SDCCAG8: variants seen among roughly 807,000 people sequenced by gnomAD.
SDCCAG8 encodes the protein SHH signaling and ciliogenesis regulator SDCCAG8.
A neutral mutation model predicts 101.8 loss-of-function variants in SDCCAG8; 74 were observed. The ratio of observed to expected loss-of-function variants is 0.73; its 90% CI spans 0.60 to 0.88. The LOEUF (loss-of-function observed/expected upper bound fraction) is 0.88, where lower values mean the gene tolerates loss of function less well. Ranked by LOEUF, SDCCAG8 falls within the 40% of genes least tolerant of loss-of-function variation. The pLI, the probability that SDCCAG8 is intolerant of heterozygous loss-of-function variation, is 0.00. For missense variants in SDCCAG8, 787 were observed against 822.6 expected, an observed-to-expected ratio of 0.96 and a Z score of 0.53; for synonymous variants, 281 against 292.9, an observed-to-expected ratio of 0.96 and a Z score of 0.41.
At chr1:243,271,342 TATATA>T (rs1248796715) in intron 3 of SDCCAG8, among the ~76,000 whole-genome samples, 2 of 148,488 alleles carry the variant, frequency 1.3e-5, no homozygotes, top group East Asian at 1.9e-4. Context: ...GTAATATAAA[TATATA>T]ATATATAATA....
At chr1:243,432,046 C>T (rs1477845827) in intron 16 of SDCCAG8, among the ~76,000 whole-genome samples, 1 of 152,060 alleles carries the variant, frequency 6.6e-6, no homozygotes, top group Non-Finnish European at 1.5e-5. Context: ...CTATGTTTGT[C>T]ATAGAAATTT....
At chr1:243,396,580 ATATT>A (rs1187007794) in intron 13 of SDCCAG8, among the ~76,000 whole-genome samples, 1 of 152,186 alleles carries the variant, frequency 6.6e-6, no homozygotes, top group Non-Finnish European at 1.5e-5. Flanking sequence ...ATTAGTGAAA[ATATT>A]TATTCCTCAA....
intron 8 of SDCCAG8, among the ~76,000 whole-genome samples, chr1:243,308,719 G>A (rs1393408879): frequency 6.6e-6 from 1 of 152,170 alleles, no homozygotes; most frequent in Non-Finnish European, 1.5e-5. Context: ...TGTTGTCCAA[G>A]TTTTCGTCTA....
chr1:243,263,875 A>G (rs1032121381), intron 1 of SDCCAG8, among the ~76,000 whole-genome samples: 3 of 152,148 alleles, frequency 2.0e-5, no homozygotes, highest in Non-Finnish European at 4.4e-5. Context: ...ATATCTTGGT[A>G]GTGTTACCTG....
At chr1:243,327,937 C>T (rs573864182) in intron 9 of SDCCAG8, among the ~76,000 whole-genome samples, 1 of 152,268 alleles carries the variant, frequency 6.6e-6, no homozygotes, top group East Asian at 1.9e-4. Flanking sequence ...GAGTCTCGCT[C>T]TGTCGCCCAG....
intron 12 of SDCCAG8, among the ~76,000 whole-genome samples, chr1:243,369,843 G>A (rs2077187948): frequency 6.6e-6 from 1 of 151,930 alleles, no homozygotes; most frequent in African/African-American, 2.4e-5. Flanking sequence ...TAACTGGTGT[G>A]GTCAACAATT....
chr1:243,294,473 TGG>T lies in SDCCAG8; in HGVS notation c.675+1263_675+1264del, dbSNP rs748640257. Among the ~76,000 whole-genome samples, 22 of 94,936 alleles carry T rather than the reference TGG, an allele frequency of 2.3e-4. No individual in the cohort carries two copies. The South Asian group carries it at 9.2e-3, about 40-fold the overall frequency. The allele number at this position is 94,936 out of a possible 152,430, so 62.3% of individuals were successfully genotyped here. A position where few individuals can be genotyped will look rare whatever the true frequency, so the allele number is the denominator to read the frequency against. On this transcript the variant is annotated intron_variant, in intron 6 of 17. Transcript: ENST00000366541. The stretch of plus-strand genomic sequence containing the variant: ...AACACCCTCCACTCCCCCCAAAAGG[TGG>T]GGGGGGGGAGAGAGAGAGAGAGAGA...
At chr1:243,337,650 G>A (rs760600363) in intron 10 of SDCCAG8, among the ~76,000 whole-genome samples, 17 of 152,210 alleles carry the variant, frequency 1.1e-4, no homozygotes, top group South Asian at 2.1e-4. Context: ...AGGATTAAGT[G>A]AGATAATGTT....
At chr1:243,307,720 G>A (rs2149319175) in intron 7 of SDCCAG8, 1 of 1,353,986 alleles carries the variant, frequency 7.4e-7, no homozygotes, top group Non-Finnish European at 9.5e-7. Context: ...GAGAGCCAGT[G>A]TCAGGCGGAT....
intron 13 of SDCCAG8, among the ~76,000 whole-genome samples, chr1:243,409,392 A>G (rs942449351): frequency 5.3e-5 from 8 of 152,176 alleles, no homozygotes; most frequent in Admixed American, 4.6e-4. Flanking sequence ...ACAGACAAAT[A>G]TTTATATTTA....
intron 12 of SDCCAG8, among the ~76,000 whole-genome samples, chr1:243,365,110 G>A (rs990317504): frequency 2.6e-5 from 4 of 152,102 alleles, no homozygotes; most frequent in Non-Finnish European, 5.9e-5. Context: ...AATGGGTATC[G>A]GCGAAGAGTC....
chr1:243,489,164 G>T (rs756152387), intron 17 of SDCCAG8, 24 bp downstream of exon 17: 5 of 1,610,008 alleles, frequency 3.1e-6, no homozygotes, highest in Non-Finnish European at 4.2e-6. Flanking sequence ...CGCGGCGCAG[G>T]TGGGAGTCCT....
At chr1:243,340,265 T>A (rs953171130) in intron 10 of SDCCAG8, among the ~76,000 whole-genome samples, 2 of 152,188 alleles carry the variant, frequency 1.3e-5, no homozygotes, top group Non-Finnish European at 2.9e-5. Context: ...ATACTGAGAT[T>A]GTAGGAGCAC....
chr1:243,369,323 G>A (rs1253682504), intron 12 of SDCCAG8, among the ~76,000 whole-genome samples: 1 of 152,124 alleles, frequency 6.6e-6, no homozygotes, highest in Non-Finnish European at 1.5e-5. Context: ...ACATAGTGTT[G>A]TCAGATGGTC....
intron 16 of SDCCAG8, among the ~76,000 whole-genome samples, chr1:243,427,071 T>C (rs2081389138): frequency 6.6e-6 from 1 of 152,244 alleles, no homozygotes; most frequent in Non-Finnish European, 1.5e-5. Context: ...TGACTGTTTC[T>C]TCACCTATAT....
At chr1:243,442,937 A>G (rs2082642230) in intron 16 of SDCCAG8, among the ~76,000 whole-genome samples, 1 of 152,258 alleles carries the variant, frequency 6.6e-6, no homozygotes, top group African/African-American at 2.4e-5. Context: ...CCAATAATTG[A>G]GACAATCAAT....
At chr1:243,350,911 A>G (rs1363726618) in intron 12 of SDCCAG8, among the ~76,000 whole-genome samples, 1 of 152,208 alleles carries the variant, frequency 6.6e-6, no homozygotes, top group African/African-American at 2.4e-5. Context: ...CTAGAAAGAC[A>G]TCGTTGTATC....
At position 243,474,622 on chromosome 1, in the gene SDCCAG8, G is replaced by A. The variant is rs746465986; in HGVS notation, c.1986-14392G>A. 3.9e-5 allele frequency among the ~76,000 whole-genome samples: 6 copies of A among 152,244 alleles called. No individual in the cohort carries two copies. The highest frequency in any genetic ancestry group is 1.3e-4 in the Admixed American group (2 of 15,294). ...TGCCTGGAGCGCTCCGCGGTGGCCC[G>A]AGAGCAGGTGCTGGCGTGCGGGAGG... On this transcript the variant is annotated intron_variant, in intron 16 of 17. Transcript: ENST00000366541. This position sits in a 1 kb window ranked among gnomAD's most constrained non-coding sequence, Gnocchi z 4.7.
chr1:243,391,889 G>A (rs1453720004), intron 13 of SDCCAG8, among the ~76,000 whole-genome samples: 1 of 152,178 alleles, frequency 6.6e-6, no homozygotes, highest in Non-Finnish European at 1.5e-5. Flanking sequence ...CAGTGGTTTG[G>A]GCAGTGTTCC....
Sources: gnomAD v4.1 joint callset for allele counts (sites outside exome capture counted in the v4.1 genomes callset) on GRCh38, gnomAD v4.1.1 for gene constraint, Gnocchi (gnomAD v3.1) non-coding constraint, MANE v1.5 for transcripts, NCBI Gene and HGNC (gene_info 2026-07-23, HGNC 2026-07-21) for gene names.